SLC39A11: variants seen among roughly 807,000 people sequenced by gnomAD.
SLC39A11 encodes the protein zinc transporter ZIP11.
Under a neutral mutation model 36.1 loss-of-function variants are expected in SLC39A11, and 33 were observed. The ratio of observed to expected loss-of-function variants is 0.91; its 90% CI spans 0.69 to 1.22. The LOEUF (loss-of-function observed/expected upper bound fraction) is 1.22, where lower values mean the gene tolerates loss of function less well. Ranked by LOEUF, SLC39A11 falls within the 50% of genes most tolerant of loss-of-function variation. SLC39A11 has a pLI of 0.00. For missense variants in SLC39A11, 432 were observed against 430.3 expected, an observed-to-expected ratio of 1.00 and a Z score of -0.03; for synonymous variants, 166 against 170.3, an observed-to-expected ratio of 0.97 and a Z score of 0.20.
At chr17:72,832,733 A>G (rs1249549616) in intron 6 of SLC39A11, among the ~76,000 whole-genome samples, 3 of 152,248 alleles carry the variant, frequency 2.0e-5, no homozygotes, top group African/African-American at 7.2e-5. Context: ...TCCACACCAT[A>G]ACAGCTATCA....
At chr17:73,050,462 C>CTTTTTTTTTTTTTTTT (rs558193911) in intron 3 of SLC39A11, among the ~76,000 whole-genome samples, 84 of 124,302 alleles carry the variant, frequency 6.8e-4, no homozygotes, top group African/African-American at 2.4e-3. Flanking sequence ...TGTGAACTGA[C>CTTTTTTTTTTTTTTTT]TTTTTTTTTT....
intron 5 of SLC39A11, among the ~76,000 whole-genome samples, chr17:72,869,904 C>G (rs1009929680): frequency 6.6e-6 from 1 of 152,142 alleles, no homozygotes; most frequent in Non-Finnish European, 1.5e-5. Context: ...TAACTGGTCA[C>G]AGATTTTAAT....
chr17:72,873,054 C>CA (rs1197695347), intron 5 of SLC39A11, among the ~76,000 whole-genome samples: 563 of 51,404 alleles, frequency 0.011, 1 homozygote, highest in Middle Eastern at 0.028. Context: ...GACTCCATCT[C>CA]AAAAAAAAAA....
At chr17:73,033,682 C>T (rs2058812598) in intron 3 of SLC39A11, among the ~76,000 whole-genome samples, 1 of 152,192 alleles carries the variant, frequency 6.6e-6, no homozygotes, top group South Asian at 2.1e-4. Flanking sequence ...ACCCACCACC[C>T]ATCGTAACTA....
chr17:72,782,388 G>A (rs1169250415), intron 6 of SLC39A11, among the ~76,000 whole-genome samples: 1 of 152,120 alleles, frequency 6.6e-6, no homozygotes, highest in Non-Finnish European at 1.5e-5. Context: ...GTTGTTTTAA[G>A]CCACCCAGTT....
In SLC39A11 at chr17:72,947,834, G is replaced by C. The variant is rs149939873; in HGVS notation, c.348C>G (p.Phe116Leu). ...ACTTCTTCTTCATCAACGTAGAGCCGAAGTTCAGTGCCAGGGTCGTCTGGG... is the reference window on the plus strand; with the variant it reads ...ACTTCTTCTTCATCAACGTAGAGCCCAAGTTCAGTGCCAGGGTCGTCTGGG... ...EDPQTTLALN[F>L]GSTLMKKKSD... The change falls in exon 5 of 10, where the codon TTC becomes TTG. Residue 116 changes from phenylalanine to leucine, a missense_variant. Phe to Leu is a conservative substitution (Grantham distance 22, BLOSUM62 0). Transcript: ENST00000255559. 2 of 1,613,962 alleles carry C rather than the reference G, an allele frequency of 1.2e-6. No individual in the cohort carries two copies. The highest frequency in any genetic ancestry group is 2.7e-5 in the African/African-American group (2 of 74,906).
At chr17:72,652,001 G>T (rs534432884) in intron 7 of SLC39A11, among the ~76,000 whole-genome samples, 1 of 152,132 alleles carries the variant, frequency 6.6e-6, no homozygotes, top group African/African-American at 2.4e-5. Flanking sequence ...CTGGATCTAG[G>T]GGGCAGCAAA....
intron 6 of SLC39A11, among the ~76,000 whole-genome samples, chr17:72,742,479 A>G (rs572381814): frequency 1.3e-5 from 2 of 152,306 alleles, no homozygotes; most frequent in South Asian, 4.1e-4. Context: ...TGGCACTAAC[A>G]CACCGGAGAC....
At chr17:72,705,457 C>T (rs1567966535) in intron 7 of SLC39A11, among the ~76,000 whole-genome samples, 1 of 152,176 alleles carries the variant, frequency 6.6e-6, no homozygotes, top group African/African-American at 2.4e-5. Flanking sequence ...TGCATCAATT[C>T]TCTCATCCAC....
At chr17:72,666,685 G>A (rs761202527) in intron 7 of SLC39A11, among the ~76,000 whole-genome samples, 13 of 152,116 alleles carry the variant, frequency 8.5e-5, no homozygotes, top group Non-Finnish European at 1.9e-4. Flanking sequence ...CTTCCTTCAG[G>A]GAGAGTGATT....
At chr17:72,784,772 A>AC (rs1206165481) in intron 6 of SLC39A11, among the ~76,000 whole-genome samples, 1 of 149,658 alleles carries the variant, frequency 6.7e-6, no homozygotes, top group South Asian at 2.1e-4. Flanking sequence ...GCTTCCTGAG[A>AC]CCCCCCAGAA....
At chr17:72,960,316 A>T (rs1426276986) in intron 4 of SLC39A11, among the ~76,000 whole-genome samples, 2 of 152,236 alleles carry the variant, frequency 1.3e-5, no homozygotes, top group Admixed American at 1.3e-4. Context: ...TAGATAGATA[A>T]ATAGATAAAA....
At chr17:72,776,629 A>AC (rs1555668720) in intron 6 of SLC39A11, among the ~76,000 whole-genome samples, 12 of 150,884 alleles carry the variant, frequency 8.0e-5, no homozygotes, top group African/African-American at 2.7e-4. Flanking sequence ...AAAAAAAAAA[A>AC]CAGAAGACAG....
At chr17:73,052,141 C>G (rs1006068580) in intron 3 of SLC39A11, among the ~76,000 whole-genome samples, 7 of 150,504 alleles carry the variant, frequency 4.7e-5, no homozygotes, top group Non-Finnish European at 1.0e-4. Flanking sequence ...TAAGTGCAAG[C>G]CCCCCAGTGT....
intron 6 of SLC39A11, among the ~76,000 whole-genome samples, chr17:72,819,818 A>C (rs1448595172): frequency 6.6e-6 from 1 of 151,330 alleles, no homozygotes; most frequent in African/African-American, 2.4e-5. Context: ...AAACTGGCTC[A>C]AGGAAATGAA....
chr17:72,910,518 G>A (rs2082923107), intron 5 of SLC39A11, among the ~76,000 whole-genome samples: 1 of 151,674 alleles, frequency 6.6e-6, no homozygotes, highest in African/African-American at 2.4e-5. Flanking sequence ...CAGCTACTCA[G>A]GAGGCTGAGG....
intron 3 of SLC39A11, among the ~76,000 whole-genome samples, chr17:73,062,461 C>CAAAA (rs1555698613): frequency 3.6e-5 from 1 of 27,840 alleles, no homozygotes; most frequent in African/African-American, 1.4e-4. Context: ...GAGCTTGTCT[C>CAAAA]AAAAAAAAAA....
intron 7 of SLC39A11, among the ~76,000 whole-genome samples, chr17:72,715,348 T>C (rs768901503): frequency 9.2e-5 from 14 of 152,212 alleles, no homozygotes; most frequent in Non-Finnish European, 1.8e-4. Context: ...ATTCTTACAT[T>C]CATGTTCACA....
chr17:73,024,919 T>C (rs567059259), intron 4 of SLC39A11, among the ~76,000 whole-genome samples: 1 of 141,410 alleles, frequency 7.1e-6, no homozygotes, highest in Non-Finnish European at 1.5e-5. Context: ...TTTCACCATG[T>C]TGGCCAGGCT....
Sources: allele counts gnomAD v4.1 joint callset (sites outside exome capture counted in the v4.1 genomes callset), GRCh38; gene constraint gnomAD v4.1.1; transcripts MANE v1.5; gene names NCBI Gene and HGNC (gene_info 2026-07-23, HGNC 2026-07-21).